The following UBE2E2 variants were observed in gnomAD, a reference collection of about 807,000 sequenced individuals.
UBE2E2 encodes the protein ubiquitin-conjugating enzyme E2 E2.
A neutral mutation model predicts 24.7 loss-of-function variants in UBE2E2; 6 were observed. That is an observed-to-expected ratio of 0.24 (90% confidence interval 0.13 to 0.48). The LOEUF (loss-of-function observed/expected upper bound fraction) is 0.48, where lower values mean the gene tolerates loss of function less well. Among genes scored for constraint, UBE2E2 ranks in the 20% least tolerant of loss-of-function variants. The pLI, the probability that UBE2E2 is intolerant of heterozygous loss-of-function variation, is 0.99. For synonymous variants in UBE2E2, 104 were observed against 83.6 expected, an observed-to-expected ratio of 1.24 and a Z score of -1.33; for missense variants, 169 against 245.0, an observed-to-expected ratio of 0.69 and a Z score of 2.07.
chr3:23,445,519 T>G (rs1174566797), intron 3 of UBE2E2, among the ~76,000 whole-genome samples: 1 of 152,216 alleles, frequency 6.6e-6, no homozygotes, highest in East Asian at 1.9e-4. Flanking sequence ...CCGGTTGTTC[T>G]CATCTGCCAA....
intron 3 of UBE2E2, among the ~76,000 whole-genome samples, chr3:23,351,496 T>C (rs1417669409): frequency 6.6e-6 from 1 of 152,100 alleles, no homozygotes; most frequent in Non-Finnish European, 1.5e-5. Context: ...ACCCATCTCA[T>C]GGGCACAGAC....
intron 3 of UBE2E2, among the ~76,000 whole-genome samples, chr3:23,360,952 C>T (rs1208497990): frequency 6.8e-6 from 1 of 146,832 alleles, no homozygotes; most frequent in Non-Finnish European, 1.5e-5. Context: ...GGACTAAAAT[C>T]CAGAATCCAC....
intron 3 of UBE2E2, among the ~76,000 whole-genome samples, chr3:23,435,378 G>A (rs1277329288): frequency 6.6e-6 from 1 of 152,216 alleles, no homozygotes; most frequent in African/African-American, 2.4e-5. Flanking sequence ...TAAAAGTTAA[G>A]TTACTTGGTG....
chr3:23,387,190 A>G (rs540444924), intron 3 of UBE2E2, among the ~76,000 whole-genome samples: 1 of 152,162 alleles, frequency 6.6e-6, no homozygotes, highest in Non-Finnish European at 1.5e-5. Context: ...CCTATTCCTG[A>G]TGGTTTAAAT....
At chr3:23,378,651 T>C (rs1050719574) in intron 3 of UBE2E2, among the ~76,000 whole-genome samples, 11 of 151,930 alleles carry the variant, frequency 7.2e-5, no homozygotes, top group Non-Finnish European at 8.8e-5. Context: ...TGCAAGTGAA[T>C]TGGCTTCTGT....
At chr3:23,513,435 A>G (rs1247710842) in intron 4 of UBE2E2, among the ~76,000 whole-genome samples, 1 of 152,072 alleles carries the variant, frequency 6.6e-6, no homozygotes, top group East Asian at 1.9e-4. Context: ...ATATTGAACA[A>G]GTGTACCATA....
intron 3 of UBE2E2, among the ~76,000 whole-genome samples, chr3:23,300,138 A>G (rs1441081839): frequency 6.6e-6 from 1 of 152,128 alleles, no homozygotes; most frequent in African/African-American, 2.4e-5. Context: ...TTTGCTTGGT[A>G]GATCTTCCTC....
At chr3:23,325,635 G>A (rs1456294177) in intron 3 of UBE2E2, among the ~76,000 whole-genome samples, 22 of 152,170 alleles carry the variant, frequency 1.4e-4, no homozygotes, top group Admixed American at 1.4e-3. Context: ...ACTTTGCTAA[G>A]TAGTTATGAA....
intron 3 of UBE2E2, among the ~76,000 whole-genome samples, chr3:23,420,831 C>T (rs1697778501): frequency 6.6e-6 from 1 of 152,258 alleles, no homozygotes; most frequent in Non-Finnish European, 1.5e-5. Context: ...ACATGTATAT[C>T]TTTCTGTTAC....
chr3:23,321,329 C>G (rs1221739056), intron 3 of UBE2E2, among the ~76,000 whole-genome samples: 1 of 152,132 alleles, frequency 6.6e-6, no homozygotes, highest in Non-Finnish European at 1.5e-5. Context: ...CCACTTGGAT[C>G]TACCCTGCAG....
At chr3:23,467,697 A>G (rs1304362594) in intron 3 of UBE2E2, among the ~76,000 whole-genome samples, 1 of 152,120 alleles carries the variant, frequency 6.6e-6, no homozygotes, top group Non-Finnish European at 1.5e-5. Flanking sequence ...CTATACTTCT[A>G]AGTAGCTATA....
intron 5 of UBE2E2, among the ~76,000 whole-genome samples, chr3:23,534,977 A>C (rs905066939): frequency 6.6e-6 from 1 of 152,170 alleles, no homozygotes. Context: ...AATCTTTTTC[A>C]TACTCTTTTT....
chr3:23,539,473 C>T (rs935687028), intron 5 of UBE2E2, among the ~76,000 whole-genome samples: 9 of 152,168 alleles, frequency 5.9e-5, no homozygotes, highest in Non-Finnish European at 1.3e-4. Flanking sequence ...TCTTATCTAA[C>T]TAAAAGGGCC....
chr3:23,391,899 C>G (rs1328260430), intron 3 of UBE2E2, among the ~76,000 whole-genome samples: 1 of 152,032 alleles, frequency 6.6e-6, no homozygotes, highest in African/African-American at 2.4e-5. Flanking sequence ...ACCCCTCCAC[C>G]ATTGTTCTAT....
intron 1 of UBE2E2, 63 bp downstream of exon 1, chr3:23,203,527 T>C: frequency 1.1e-6 from 1 of 927,824 alleles, no homozygotes; most frequent in Non-Finnish European, 1.3e-6. Flanking sequence ...GCTGACGTCC[T>C]CCTCACTCCC....
intron 3 of UBE2E2, among the ~76,000 whole-genome samples, chr3:23,457,976 T>G (rs75411908): frequency 0.14 from 20,772 of 152,192 alleles, 1,500 homozygotes; most frequent in Middle Eastern, 0.2. Flanking sequence ...CTCTTTCACT[T>G]TCTTATCATT....
chr3:23,585,218 A>G (rs954954978), intron 5 of UBE2E2, among the ~76,000 whole-genome samples: 1 of 151,958 alleles, frequency 6.6e-6, no homozygotes. Context: ...AAAAAAATAA[A>G]TCAATAAACT....
chr3:23,299,783 G>C (rs1413793171), intron 3 of UBE2E2, among the ~76,000 whole-genome samples: 6 of 152,324 alleles, frequency 3.9e-5, no homozygotes, highest in Non-Finnish European at 8.8e-5. Flanking sequence ...GGAGAGTTCT[G>C]TAGATGTCTA....
rs186786429 is a variant in UBE2E2, at chr3:23,348,498, A to T, written c.227+131186A>T. 4.1e-4 allele frequency among the ~76,000 whole-genome samples: 62 copies of T among 152,250 alleles called. No homozygotes were observed. The East Asian group carries it at 7.5e-3, about 18-fold the overall frequency. On this transcript the variant is annotated intron_variant, in intron 3 of 5. Transcript: ENST00000396703. ...ACAATAGCCAGACATTCAAGTGGTT[A>T]AAGGATTTTCTGAGAACTTCCAAAG...
Sources: gnomAD v4.1 joint callset for allele counts (sites outside exome capture counted in the v4.1 genomes callset) on GRCh38, gnomAD v4.1.1 for gene constraint, MANE v1.5 for transcripts, NCBI Gene and HGNC (gene_info 2026-07-23, HGNC 2026-07-21) for gene names.